MTAP: variants seen among roughly 807,000 people sequenced by gnomAD.
The protein encoded by MTAP is S-methyl-5'-thioadenosine phosphorylase.
Under a neutral mutation model 33.6 loss-of-function variants are expected in MTAP, and 33 were observed. The ratio of observed to expected loss-of-function variants is 0.98; its 90% CI spans 0.74 to 1.31. MTAP has a LOEUF of 1.31. MTAP is among the 40% of genes most tolerant of loss of function. MTAP has a pLI of 0.00. For missense variants in MTAP, 367 were observed against 360.0 expected, an observed-to-expected ratio of 1.02 and a Z score of -0.16; for synonymous variants, 148 against 125.7, an observed-to-expected ratio of 1.18 and a Z score of -1.19.
intron 1 of MTAP, among the ~76,000 whole-genome samples, chr9:21,895,721 CA>C (rs1472891488): frequency 5.9e-5 from 9 of 152,228 alleles, no homozygotes; most frequent in Non-Finnish European, 5.9e-5. Context: ...GCTAGCACGG[CA>C]GTCTGAGATG....
chr9:21,854,577 C>G (rs971043594), intron 5 of MTAP, 54 bp from the exon 6 acceptor site: 5 of 1,493,394 alleles, frequency 3.3e-6, no homozygotes, highest in Non-Finnish European at 4.5e-6. Flanking sequence ...GAAGTGCAGC[C>G]TTAAGTTGTG....
chr9:21,806,091 G>T (rs1187254822), intron 1 of MTAP, among the ~76,000 whole-genome samples: 1 of 152,144 alleles, frequency 6.6e-6, no homozygotes, highest in African/African-American at 2.4e-5. Flanking sequence ...CTGTTGAAGG[G>T]TTAAGAGTGG....
At chr9:21,894,546 A>G (rs971212729) in intron 1 of MTAP, among the ~76,000 whole-genome samples, 27 of 143,556 alleles carry the variant, frequency 1.9e-4, no homozygotes, top group Admixed American at 9.4e-4. Context: ...GAATTGAACA[A>G]TGAGAACACT....
At chr9:21,900,161 A>G (rs991196473) in intron 1 of MTAP, among the ~76,000 whole-genome samples, 4 of 152,222 alleles carry the variant, frequency 2.6e-5, no homozygotes, top group Non-Finnish European at 5.9e-5. Context: ...AATTGCAACA[A>G]GAACAAAAAT....
At chr9:21,901,648 T>A (rs1563864618) in intron 1 of MTAP, among the ~76,000 whole-genome samples, 1 of 151,764 alleles carries the variant, frequency 6.6e-6, no homozygotes, top group Non-Finnish European at 1.5e-5. Flanking sequence ...GTGTATGGAG[T>A]TTTTAAAAAA....
chr9:21,837,828 G>A (rs1356431965), intron 4 of MTAP, 80 bp from the exon 5 acceptor site: 7 of 1,113,466 alleles, frequency 6.3e-6, no homozygotes, highest in Non-Finnish European at 8.0e-6. Context: ...CCTAGATAAA[G>A]TTGACTCACC....
intron 5 of MTAP, 126 bp downstream of exon 5, chr9:21,838,136 A>C: frequency 1.5e-6 from 1 of 674,800 alleles, no homozygotes; most frequent in Non-Finnish European, 2.6e-6. Flanking sequence ...GTATTATGCA[A>C]AGTTTTATGA....
At chr9:21,900,603 T>A (rs1039743877) in intron 1 of MTAP, among the ~76,000 whole-genome samples, 3 of 152,142 alleles carry the variant, frequency 2.0e-5, no homozygotes, top group African/African-American at 7.2e-5. Flanking sequence ...GGAAAGCGGT[T>A]TGGAGATTTC....
chr9:21,828,157 C>G (rs1423741677), intron 4 of MTAP, among the ~76,000 whole-genome samples: 1 of 152,182 alleles, frequency 6.6e-6, no homozygotes, highest in Non-Finnish European at 1.5e-5. Context: ...GCCAGGTAAC[C>G]TTAAGATCTT....
intron 6 of MTAP, among the ~76,000 whole-genome samples, chr9:21,855,179 A>G (rs1336413206): frequency 6.6e-6 from 1 of 152,162 alleles, no homozygotes; most frequent in African/African-American, 2.4e-5. Flanking sequence ...TTCTGCTGCT[A>G]TGCTACTGTT....
At chr9:21,831,307 A>G (rs1250570962) in intron 4 of MTAP, among the ~76,000 whole-genome samples, 1 of 152,176 alleles carries the variant, frequency 6.6e-6, no homozygotes, top group African/African-American at 2.4e-5. Flanking sequence ...AACTAGATCT[A>G]TAAACTATTT....
chr9:21,815,540 G>C, intron 2 of MTAP, 21 bp downstream of exon 2: 1 of 1,475,658 alleles, frequency 6.8e-7, no homozygotes, highest in Non-Finnish European at 9.4e-7. Context: ...AACTTGTGGA[G>C]ACATGTTTTT....
In MTAP at chr9:21,915,084, C is replaced by CTTTCTTT. The variant is rs369342496; in HGVS notation, c.148-15924_148-15923insTTTCTTT. On this transcript the variant is annotated intron_variant, in intron 1 of 1. Coordinates refer to the MTAP transcript ENST00000577563. ...TCTTTCTTTCTTTCTTTCTTTCTTT[C>CTTTCTTT]CTTTCTTTCTTTTCTTTCGGCAGAG... 6.9e-4 allele frequency among the ~76,000 whole-genome samples: 50 copies of CTTTCTTT among 72,390 alleles called. 4 individuals are homozygous for CTTTCTTT. Among genetic ancestry groups the CTTTCTTT allele is most frequent in the African/African-American group, 4.0e-3 (38 of 9,498 alleles). 47.5% of individuals were successfully genotyped at this position (72,390 alleles called of 152,430 possible).
chr9:21,815,449 G>A lies in MTAP; in HGVS notation c.50G>A (p.Gly17Glu), dbSNP rs543320391. Residue 17 changes from glycine (G) to glutamate (E), a missense_variant, in exon 2 of 8, where the codon GGA (glycine) becomes GAA (glutamate). Gly to Glu is a moderately conservative substitution (Grantham distance 98). Coordinates refer to ENST00000644715, the MANE Select transcript of MTAP (RefSeq NM_002451.4). ...TTAVKIGIIG[G>E]TGLDDPEILE... ...CTCTCTTAGATTGGAATAATTGGTG[G>A]AACAGGCCTGGATGATCCAGAAATT... 1.3e-5 allele frequency: 21 copies of A among 1,604,012 alleles called. No homozygotes were observed. The African/African-American group carries it at 2.1e-4, about 16-fold the overall frequency.
At chr9:21,897,784 A>G (rs570238223) in intron 1 of MTAP, among the ~76,000 whole-genome samples, 179 of 152,286 alleles carry the variant, frequency 1.2e-3, no homozygotes, top group Non-Finnish European at 2.3e-3. Context: ...AAGAATCAAT[A>G]TCATGAAAAT....
At chr9:21,829,136 A>G (rs1018192423) in intron 4 of MTAP, among the ~76,000 whole-genome samples, 1 of 152,128 alleles carries the variant, frequency 6.6e-6, no homozygotes, top group Non-Finnish European at 1.5e-5. Flanking sequence ...TCCTACCTCC[A>G]CTTGCTGATG....
intron 1 of MTAP, among the ~76,000 whole-genome samples, chr9:21,805,871 T>A (rs1467118650): frequency 6.6e-6 from 1 of 152,130 alleles, no homozygotes; most frequent in Non-Finnish European, 1.5e-5. Context: ...CTTAAGCTGA[T>A]AGTGAAAATA....
At chr9:21,899,933 G>A (rs1393426057) in intron 1 of MTAP, among the ~76,000 whole-genome samples, 2 of 152,062 alleles carry the variant, frequency 1.3e-5, no homozygotes, top group African/African-American at 2.4e-5. Flanking sequence ...ATGGGGAAAG[G>A]ACTCCCTATT....
intron 1 of MTAP, among the ~76,000 whole-genome samples, chr9:21,809,547 G>C (rs1001239537): frequency 6.6e-6 from 1 of 151,930 alleles, no homozygotes; most frequent in Non-Finnish European, 1.5e-5. Context: ...ACTAAGGCAG[G>C]AGAATGGTGT....
Sources: allele counts gnomAD v4.1 joint callset (sites outside exome capture counted in the v4.1 genomes callset), GRCh38; gene constraint gnomAD v4.1.1; transcripts MANE v1.5; gene names NCBI Gene and HGNC (gene_info 2026-07-23, HGNC 2026-07-21).